The following ANKS1B variants were observed in gnomAD, a reference collection of about 807,000 sequenced individuals.
ANKS1B encodes the protein ankyrin repeat and sterile alpha motif domain-containing protein 1B.
Under a neutral mutation model 148.3 loss-of-function variants are expected in ANKS1B, and 36 were observed. The ratio of observed to expected loss-of-function variants is 0.24; its 90% CI spans 0.19 to 0.32. The LOEUF (loss-of-function observed/expected upper bound fraction) is 0.32. ANKS1B is among the 10% of genes least tolerant of loss of function. The probability of loss-of-function intolerance (pLI) is 1.00; values close to 1 mark genes in which losing one functional copy is unlikely to be tolerated. For missense variants in ANKS1B, 1,157 were observed against 1,542.6 expected (o/e 0.75, Z 4.19); for synonymous variants, 542 against 560.8 (o/e 0.97, Z 0.47).
intron 11 of ANKS1B, among the ~76,000 whole-genome samples, chr12:99,427,817 C>A (rs188072165): frequency 6.6e-6 from 1 of 152,044 alleles, no homozygotes; most frequent in Non-Finnish European, 1.5e-5. Context: ...GTGCTTGGAT[C>A]CTACCTAAAA....
chr12:99,504,555 A>C lies in ANKS1B; in HGVS notation c.1359T>G (p.Phe453Leu). 6.2e-7 allele frequency: 1 copy of C among 1,612,982 alleles called. No homozygotes were observed. Among genetic ancestry groups the C allele is most frequent in the Non-Finnish European group, 8.5e-7 (1 of 1,179,446 alleles). Residue 453 changes from phenylalanine (F) to leucine (L), a missense_variant, in exon 10 of 27, where the codon TTT becomes TTG. By Grantham distance (22) the Phe-to-Leu change is conservative. Coordinates refer to ENST00000683438, the MANE Select transcript of ANKS1B (RefSeq NM_001352186.2). ...CAGCTGTGTCCATGAGATCACACAG[A>C]AAGTTCTCATTTTCTGAAGGAAATG... ...LDTFPSENENFLCDLMDTAVT... is the reference protein window; with the variant it reads ...LDTFPSENENLLCDLMDTAVT...
intron 8 of ANKS1B, 97 bp downstream of exon 8, chr12:99,772,825 G>A (rs1015064640): frequency 9.0e-5 from 112 of 1,245,144 alleles, no homozygotes; most frequent in Middle Eastern, 8.1e-4. Context: ...TTAGAGTGGC[G>A]GAATCTGATA....
chr12:99,009,161 C>A (rs2099937848), intron 17 of ANKS1B, among the ~76,000 whole-genome samples: 1 of 152,236 alleles, frequency 6.6e-6, no homozygotes, highest in Non-Finnish European at 1.5e-5. Flanking sequence ...AGCAGAGAAT[C>A]TGTTGGGACA....
chr12:98,901,536 G>C (rs2099772070), intron 17 of ANKS1B, among the ~76,000 whole-genome samples: 1 of 152,208 alleles, frequency 6.6e-6, no homozygotes, highest in Admixed American at 6.5e-5. Flanking sequence ...TTACTGTAGA[G>C]ACAGGAGCAC....
chr12:99,820,499 A>C (rs10745876), intron 2 of ANKS1B, among the ~76,000 whole-genome samples: 94,368 of 151,664 alleles, frequency 0.62, 29,617 homozygotes, highest in African/African-American at 0.69. Context: ...TTTATGGAAA[A>C]AATCTAGAGC....
rs563828342 is a variant in ANKS1B at position 99,374,012 on chromosome 12, G to C, written c.1756+25619C>G. 9.2e-5 allele frequency among the ~76,000 whole-genome samples: 14 copies of C among 152,310 alleles called. No individual in the cohort carries two copies. The South Asian group carries it at 1.9e-3, about 20-fold the overall frequency. ...TGAACTAACCTGGATGCTTAGTGAT[G>C]TATTTGGATTTACACCATGCTGCCA... On this transcript the variant is annotated intron_variant, in intron 12 of 26. Transcript: ENST00000683438.
chr12:98,908,235 A>T (rs117621244), intron 17 of ANKS1B, among the ~76,000 whole-genome samples: 402 of 152,294 alleles, frequency 2.6e-3, no homozygotes, highest in Admixed American at 4.2e-3. Flanking sequence ...GTTTCATTTT[A>T]TACCAGGCCT....
intron 12 of ANKS1B, among the ~76,000 whole-genome samples, chr12:99,364,075 A>T (rs1442847022): frequency 6.6e-6 from 1 of 152,164 alleles, no homozygotes; most frequent in Non-Finnish European, 1.5e-5. Context: ...TCTGTCTCCA[A>T]GAATGCCCCC....
intron 9 of ANKS1B, among the ~76,000 whole-genome samples, chr12:99,545,360 T>C (rs1333410483): frequency 6.6e-6 from 1 of 152,154 alleles, no homozygotes; most frequent in Non-Finnish European, 1.5e-5. Context: ...TTCCTGTCTT[T>C]TAACTCTTGA....
chr12:99,836,451 A>G (rs1393902341), intron 1 of ANKS1B, among the ~76,000 whole-genome samples: 2 of 152,174 alleles, frequency 1.3e-5, no homozygotes, highest in Non-Finnish European at 2.9e-5. Flanking sequence ...CTGATGAATA[A>G]TGTGCACCTT....
At chr12:99,471,173 A>C (rs1336009263) in intron 10 of ANKS1B, among the ~76,000 whole-genome samples, 1 of 152,068 alleles carries the variant, frequency 6.6e-6, no homozygotes, top group Non-Finnish European at 1.5e-5. Flanking sequence ...TCACAGCTAA[A>C]CTTAACTGAA....
chr12:99,255,146 G>T (rs968270532), intron 12 of ANKS1B, among the ~76,000 whole-genome samples: 1 of 152,068 alleles, frequency 6.6e-6, no homozygotes, highest in Non-Finnish European at 1.5e-5. Context: ...TTTGTGGAAA[G>T]ATTTCAAATT....
chr12:99,282,123 T>C (rs968360291), intron 12 of ANKS1B, among the ~76,000 whole-genome samples: 1 of 152,192 alleles, frequency 6.6e-6, no homozygotes, highest in African/African-American at 2.4e-5. Context: ...AGGAATTTGC[T>C]ATTTTGTGGT....
At chr12:99,034,077 C>T (rs1308030346) in intron 17 of ANKS1B, among the ~76,000 whole-genome samples, 3 of 152,182 alleles carry the variant, frequency 2.0e-5, no homozygotes, top group Non-Finnish European at 4.4e-5. Context: ...CAATTAGCAG[C>T]GCTTGTTAGA....
chr12:99,683,994 G>A (rs1475087126), intron 8 of ANKS1B, among the ~76,000 whole-genome samples: 1 of 152,034 alleles, frequency 6.6e-6, no homozygotes, highest in Admixed American at 6.6e-5. Flanking sequence ...CAAACCCACA[G>A]CCAATATTAT....
chr12:99,111,048 GC>G (rs974932638), intron 15 of ANKS1B, among the ~76,000 whole-genome samples: 12 of 152,092 alleles, frequency 7.9e-5, no homozygotes, highest in Admixed American at 2.0e-4. Context: ...GCACATCTGT[GC>G]CCCCTGGAAG....
chr12:99,022,440 G>A (rs2099946341), intron 17 of ANKS1B, among the ~76,000 whole-genome samples: 1 of 152,156 alleles, frequency 6.6e-6, no homozygotes, highest in African/African-American at 2.4e-5. Context: ...AGCTAATATT[G>A]TCATTAACTA....
intron 12 of ANKS1B, among the ~76,000 whole-genome samples, chr12:99,334,189 GATACATAGATAC>G (rs1566913579): frequency 2.4e-5 from 3 of 126,082 alleles, no homozygotes; most frequent in African/African-American, 1.2e-4. Context: ...CAGATAGATA[GATACATAGATAC>G]ATAGATACAT....
At chr12:99,840,440 T>C (rs545747572) in intron 1 of ANKS1B, among the ~76,000 whole-genome samples, 79 of 152,220 alleles carry the variant, frequency 5.2e-4, no homozygotes, top group Non-Finnish European at 1.0e-3. Context: ...TGATCTGACT[T>C]GTATTCTGCT....
Sources: allele counts gnomAD v4.1 joint callset (sites outside exome capture counted in the v4.1 genomes callset), GRCh38; gene constraint gnomAD v4.1.1; transcripts MANE v1.5; gene names NCBI Gene and HGNC (gene_info 2026-07-23, HGNC 2026-07-21).